Variants in PLXND1 observed in about 807,000 individuals in gnomAD.
The protein encoded by PLXND1 is plexin D1.
Under a neutral mutation model 197.7 loss-of-function variants are expected in PLXND1, and 54 were observed. The ratio of observed to expected loss-of-function variants is 0.27; its 90% CI spans 0.22 to 0.34. PLXND1 has a LOEUF of 0.34. PLXND1 is among the 10% of genes least tolerant of loss of function. The pLI is 1.00. For synonymous variants in PLXND1, 1,180 were observed against 1,161.2 expected (o/e 1.02, Z -0.33); for missense variants, 2,127 against 2,699.2 (o/e 0.79, Z 4.70).
chr3:129,572,786 C>T lies in PLXND1; in HGVS notation c.2938-38G>A, dbSNP rs375991436. On this transcript the variant is annotated intron_variant, in intron 14 of 35. Coordinates refer to ENST00000324093, the MANE Select transcript of PLXND1 (RefSeq NM_015103.3). The stretch of plus-strand genomic sequence containing the variant: ...GGCAGGCGTTTGGGCCTCGGGCCAG[C>T]CCCCGGGAGTGTGCGTGCTGGGCGG... The T allele has an allele frequency of 1.4e-5, 22 of 1,606,854 alleles. No homozygotes were observed. In the African/African-American group the frequency reaches 2.7e-4, roughly 20 times the overall value.
Position 129,573,593 on chromosome 3 carries a change from C to G in PLXND1, c.2837+1G>C. On this transcript the variant is annotated splice_donor_variant, in intron 13 of 35. Transcript: ENST00000324093. LOFTEE classifies it high-confidence loss of function. ...TAGGTGGGGGCACCGTGGCTACTCA[C>G]TCCTCCGACACCGTGTATCTGTCAG... 1 of 1,612,434 alleles carries G rather than the reference C, an allele frequency of 6.2e-7. No individual in the cohort carries two copies. The highest frequency in any genetic ancestry group is 8.5e-7 in the Non-Finnish European group (1 of 1,179,392).
chr3:129,581,193 A>G (rs963139208), intron 8 of PLXND1, among the ~76,000 whole-genome samples: 23 of 152,202 alleles, frequency 1.5e-4, no homozygotes, highest in African/African-American at 5.5e-4. Flanking sequence ...TCACACAGAG[A>G]CCACGGCACC....
rs1262430075 is a variant in PLXND1 at position 129,577,722 on chromosome 3, C to A, written c.2346+607G>T. Among the ~76,000 whole-genome samples the A allele has an allele frequency of 2.0e-5, 3 of 152,178 alleles. No individual in the cohort carries two copies. The highest frequency in any genetic ancestry group is 4.4e-5 in the Non-Finnish European group (3 of 68,028). On this transcript the variant is annotated intron_variant, in intron 9 of 35. Coordinates refer to ENST00000324093, the MANE Select transcript of PLXND1 (RefSeq NM_015103.3). This position sits in a 1 kb window ranked among gnomAD's most constrained non-coding sequence, Gnocchi z 5.0. ...GAGGGGTCCAGAAAGGAGCTGCGTC[C>A]CCAACCCCCAGCCCAGATGGTGGGG...
In PLXND1 at chr3:129,558,802, A is replaced by T. The variant is rs985181767; in HGVS notation, c.5298-227T>A. 9.6e-6 allele frequency: 5 copies of T among 522,206 alleles called. No homozygotes were observed. In the African/African-American group the frequency reaches 9.6e-5, roughly 10 times the overall value. The allele number at this position is 522,206 out of a possible 1,614,324, so 32.3% of individuals were successfully genotyped here. On this transcript the variant is annotated intron_variant, in intron 32 of 35. Transcript: ENST00000324093. The surrounding 1 kb of genome is among the most constrained non-coding windows in gnomAD (Gnocchi z 4.1). ...GAGCAAGGCAGGAGCTACAGGGCTTAGCTGTACCCCCCAACCCCCTCCTGA... is the reference window on the plus strand; with the variant it reads ...GAGCAAGGCAGGAGCTACAGGGCTTTGCTGTACCCCCCAACCCCCTCCTGA...
At chr3:129,565,855 C>T in intron 24 of PLXND1, 32 bp downstream of exon 24, 1 of 1,610,468 alleles carries the variant, frequency 6.2e-7, no homozygotes, top group South Asian at 1.1e-5. Flanking sequence ...GGCTCCTCTT[C>T]CCTACCCCAC....
intron 20 of PLXND1, among the ~76,000 whole-genome samples, chr3:129,568,406 A>AT (rs1191771973): frequency 1.4e-4 from 21 of 152,092 alleles, no homozygotes; most frequent in African/African-American, 4.3e-4. Context: ...AATGATGGGT[A>AT]TTTTTTCCTT....
Position 129,565,291 on chromosome 3 carries a change from C to G in PLXND1, c.4521+49G>C, listed in dbSNP as rs1488969736. On this transcript the variant is annotated intron_variant, in intron 25 of 35. Transcript: ENST00000324093. ...GGCCGTGGGGTCACTGCCGCTGAGT[C>G]CCTGCCACGTCCCCCGCCTGGGCTC... is the stretch of plus-strand genomic sequence containing the variant. The G allele has an allele frequency of 2.0e-6, 3 of 1,535,006 alleles. No homozygotes were observed. The African/African-American group carries it at 4.1e-5, about 21-fold the overall frequency.
At position 129,605,906 on chromosome 3, in the gene PLXND1, G is replaced by C; in HGVS notation, c.734C>G (p.Thr245Arg). 6.2e-7 allele frequency: 1 copy of C among 1,613,444 alleles called. No individual in the cohort carries two copies. Among genetic ancestry groups the C allele is most frequent in the Non-Finnish European group, 8.5e-7 (1 of 1,179,796 alleles). Residue 245 changes from threonine (T) to arginine (R), a missense_variant, in exon 1 of 36, where the codon ACG (threonine) becomes AGG (arginine). Physicochemically the swap from Thr to Arg is moderately conservative, Grantham distance 71. Transcript: ENST00000324093. The stretch of plus-strand genomic sequence containing the variant: ...GAAGAGCTTGGCCAGGTCGCCGCGC[G>C]TGTCCAGGGAGCGGATGGCGATCTC... Reference protein sequence around the residue: ...TPEIAIRSLDTRGDLAKLFTF... With the variant: ...TPEIAIRSLDRRGDLAKLFTF...
intron 5 of PLXND1, 42 bp from the exon 6 acceptor site, chr3:129,584,604 C>A: frequency 6.5e-7 from 1 of 1,549,582 alleles, no homozygotes; most frequent in South Asian, 1.2e-5. Flanking sequence ...CCAGGCTATG[C>A]TCCTCACAGC....
rs1287038972 is a variant in PLXND1, at chr3:129,556,710, G to C, written c.5587-19C>G. 3 of 1,543,832 alleles carry C rather than the reference G, an allele frequency of 1.9e-6. No homozygotes were observed. The highest frequency in any genetic ancestry group is 2.7e-6 in the Non-Finnish European group (3 of 1,120,280). Reference sequence around the variant, plus strand: ...GGTATTTCTATAAGGAGGCAGGATGGGGAGGAGGTTAGCCCAGCGGTCAAA... The same window carrying C: ...GGTATTTCTATAAGGAGGCAGGATGCGGAGGAGGTTAGCCCAGCGGTCAAA... On this transcript the variant is annotated intron_variant, in intron 34 of 35. Transcript: ENST00000324093.
intron 20 of PLXND1, among the ~76,000 whole-genome samples, chr3:129,568,219 G>A (rs955325245): frequency 6.6e-6 from 1 of 152,136 alleles, no homozygotes; most frequent in Admixed American, 6.5e-5. Context: ...CTTCTACAAT[G>A]ACCAGGTGTT....
rs1110168 is a variant in PLXND1, at chr3:129,578,380, C to T, written c.2295G>A (p.Thr765=). ...TLLSPLAPVP[T]GGSQNILVPL... ...GCACCAGGATGTTCTGGGAGCCACC[C>T]GTAGGCACGGGTGCCAGGGGTGAGA... The change falls in exon 9 of 36, where the codon ACG becomes ACA. Residue 765 remains threonine, a synonymous_variant. Coordinates refer to ENST00000324093, the MANE Select transcript of PLXND1 (RefSeq NM_015103.3). 2.8e-5 allele frequency: 45 copies of T among 1,606,550 alleles called. No individual in the cohort carries two copies. Among genetic ancestry groups the T allele is most frequent in the South Asian group, 4.5e-5 (4 of 89,174 alleles).
chr3:129,605,933 G>A lies in PLXND1; in HGVS notation c.707C>T (p.Pro236Leu). The A allele has an allele frequency of 2.5e-6, 4 of 1,613,404 alleles. No homozygotes were observed. Among genetic ancestry groups the A allele is most frequent in the Non-Finnish European group, 3.4e-6 (4 of 1,179,890 alleles). Residue 236 changes from proline (P) to leucine (L), a missense_variant, in exon 1 of 36, where the codon CCC becomes CTC. Coordinates refer to ENST00000324093, the MANE Select transcript of PLXND1 (RefSeq NM_015103.3). The part of the protein sequence containing the change: ...SLEDHRFENT[P>L]EIAIRSLDTR... ...GTCCAGGGAGCGGATGGCGATCTCGGGCGTGTTCTCGAAGCGGTGGTCCTC... is the reference window on the plus strand; with the variant it reads ...GTCCAGGGAGCGGATGGCGATCTCGAGCGTGTTCTCGAAGCGGTGGTCCTC...
At chr3:129,600,828 T>C (rs2085696953) in intron 1 of PLXND1, among the ~76,000 whole-genome samples, 1 of 151,854 alleles carries the variant, frequency 6.6e-6, no homozygotes, top group Non-Finnish European at 1.5e-5. Flanking sequence ...GCCCCTAAAT[T>C]GGTGCAAAAA....
In PLXND1 at chr3:129,571,295, C is replaced by T. The variant is rs1420451359; in HGVS notation, c.3345G>A (p.Lys1115=). 1 of 1,612,368 alleles carries T rather than the reference C, an allele frequency of 6.2e-7. No individual in the cohort carries two copies. The highest frequency in any genetic ancestry group is 1.3e-5 in the African/African-American group (1 of 74,908). The change falls in exon 18 of 36, where the codon AAG becomes AAA. Residue 1115 remains lysine, a synonymous_variant. Coordinates refer to ENST00000324093, the MANE Select transcript of PLXND1 (RefSeq NM_015103.3). The part of the protein sequence containing the change: ...HHIGREPTLC[K]VLNSTLITCP... ...AGGTGATGAGGGTGGAGTTGAGAACCTTGCAGAGCTGGTGCAGGAGAGCCA... is the reference window on the plus strand; with the variant it reads ...AGGTGATGAGGGTGGAGTTGAGAACTTTGCAGAGCTGGTGCAGGAGAGCCA...
rs748685363 is a variant in PLXND1 at position 129,567,558 on chromosome 3, C to G, written c.4020G>C (p.Leu1340=). ...QTDMTDLTKE[L]NRSQGIPFLE... ...GGAAGGGGATGCCCTGGCTGCGGTT[C>G]AGCTCCTTGGTGAGATCTGTCATGT... Residue 1340 remains leucine (L), a synonymous_variant, in exon 22 of 36, where the codon CTG becomes CTC. Coordinates refer to ENST00000324093, the MANE Select transcript of PLXND1 (RefSeq NM_015103.3). 6.2e-7 allele frequency: 1 copy of G among 1,612,414 alleles called. No individual in the cohort carries two copies. The highest frequency in any genetic ancestry group is 1.1e-5 in the South Asian group (1 of 90,744).
chr3:129,595,465 T>G (rs1243032262), intron 1 of PLXND1, among the ~76,000 whole-genome samples: 1 of 151,956 alleles, frequency 6.6e-6, no homozygotes, highest in African/African-American at 2.4e-5. Flanking sequence ...GGAGGGGCTG[T>G]AGGGAGAAGA....
chr3:129,569,844 C>T lies in PLXND1; in HGVS notation c.3864G>A (p.Val1288=). 6.3e-7 allele frequency: 1 copy of T among 1,577,144 alleles called. No homozygotes were observed. Among genetic ancestry groups the T allele is most frequent in the Non-Finnish European group, 8.7e-7 (1 of 1,146,480 alleles). Residue 1288 remains valine (V), a splice_region_variant and synonymous_variant, in exon 20 of 36, where the codon GTG becomes GTA. Coordinates refer to ENST00000324093, the MANE Select transcript of PLXND1 (RefSeq NM_015103.3). ...TGTCCTGAGGGTGGGGCTCCTTACC[C>T]ACCACGGAGAGCAGCAGCAGGACGC... ...ICSVLLLLSV[V]ALFVFCTKSR...
rs777411351 is a variant in PLXND1, at chr3:129,584,567, G to C, written c.1852-5C>G. Reference sequence around the variant, plus strand: ...CGAGATCTGCAGGATCATGCCCTGGGGGCAAGGAGCCCTCAGCTCTGGGGG... The same window carrying C: ...CGAGATCTGCAGGATCATGCCCTGGCGGCAAGGAGCCCTCAGCTCTGGGGG... On this transcript the variant is annotated splice_region_variant and splice_polypyrimidine_tract_variant and intron_variant, in intron 5 of 35. Transcript: ENST00000324093. 1.9e-6 allele frequency: 3 copies of C among 1,598,722 alleles called. No individual in the cohort carries two copies. Among genetic ancestry groups the C allele is most frequent in the South Asian group, 1.1e-5 (1 of 88,412 alleles).
Sources: allele counts gnomAD v4.1 joint callset (sites outside exome capture counted in the v4.1 genomes callset), GRCh38; gene constraint gnomAD v4.1.1; non-coding constraint Gnocchi (gnomAD v3.1); transcripts MANE v1.5; gene names NCBI Gene and HGNC (gene_info 2026-07-23, HGNC 2026-07-21).